Variants in GNG4 observed in about 807,000 individuals in gnomAD.
The protein encoded by GNG4 is G protein subunit gamma 4.
In GNG4, 4 loss-of-function variants were observed where a neutral mutation model predicts 5.8. That is an observed-to-expected ratio of 0.69 (90% confidence interval 0.34 to 1.57). The LOEUF is 1.57. Ranked by LOEUF, GNG4 falls within the 40% of genes most tolerant of loss-of-function variation. The probability of loss-of-function intolerance (pLI) is 0.06; values close to 1 mark genes in which losing one functional copy is unlikely to be tolerated. For missense variants in GNG4, 96 were observed against 95.1 expected, an observed-to-expected ratio of 1.01 and a Z score of -0.04; for synonymous variants, 29 against 32.9, an observed-to-expected ratio of 0.88 and a Z score of 0.41.
At chr1:235,616,720 T>G (rs1322340395) in intron 1 of GNG4, among the ~76,000 whole-genome samples, 1 of 141,842 alleles carries the variant, frequency 7.1e-6, no homozygotes, top group East Asian at 2.4e-4. Context: ...GAACCAGTGC[T>G]GAAAGATGTG....
At chr1:235,608,136 C>T (rs930859827) in intron 1 of GNG4, among the ~76,000 whole-genome samples, 5 of 152,084 alleles carry the variant, frequency 3.3e-5, no homozygotes, top group Admixed American at 2.6e-4. Flanking sequence ...CACGGTTTGA[C>T]CTTGTTGGCC....
At chr1:235,571,402 C>G (rs2102928830) in intron 3 of GNG4, among the ~76,000 whole-genome samples, 1 of 152,232 alleles carries the variant, frequency 6.6e-6, no homozygotes, top group East Asian at 1.9e-4. Context: ...AACAGAGTAC[C>G]CACTTCATTG....
chr1:235,647,490 C>T (rs1041064929), intron 1 of GNG4, among the ~76,000 whole-genome samples: 2 of 152,166 alleles, frequency 1.3e-5, no homozygotes, highest in East Asian at 3.8e-4. Context: ...TTGTTGGGTA[C>T]AGACCTTAGT....
intron 3 of GNG4, among the ~76,000 whole-genome samples, chr1:235,578,816 G>A (rs1687547944): frequency 1.3e-5 from 2 of 152,170 alleles, no homozygotes; most frequent in South Asian, 4.1e-4. Context: ...AAAGTTTCAG[G>A]GCTGGCTGCG....
chr1:235,581,095 T>A (rs1193608182), intron 3 of GNG4, among the ~76,000 whole-genome samples: 1 of 152,060 alleles, frequency 6.6e-6, no homozygotes, highest in Non-Finnish European at 1.5e-5. Flanking sequence ...ACTGATATGG[T>A]TTGGATCTGT....
intron 3 of GNG4, among the ~76,000 whole-genome samples, chr1:235,560,760 C>T (rs1328701217): frequency 6.6e-6 from 1 of 152,200 alleles, no homozygotes; most frequent in Non-Finnish European, 1.5e-5. Flanking sequence ...TTCTACTACT[C>T]ATGTTCTACT....
rs149620484 is a variant in GNG4 at position 235,562,879 on chromosome 1, C to G, written c.100-10642G>C. On this transcript the variant is annotated intron_variant, in intron 3 of 3. Coordinates refer to ENST00000391854, the MANE Select transcript of GNG4 (RefSeq NM_001098722.2). ...TAGATCTTGTGCATATTGAATATATCTGATATATTTTTGCCCATCTTTTTA... is the reference window on the plus strand; with the variant it reads ...TAGATCTTGTGCATATTGAATATATGTGATATATTTTTGCCCATCTTTTTA... 3.5e-3 allele frequency among the ~76,000 whole-genome samples: 531 copies of G among 152,106 alleles called. 6 individuals are homozygous for G. Among genetic ancestry groups the G allele is most frequent in the African/African-American group, 0.012 (512 of 41,506 alleles).
chr1:235,561,436 C>T (rs947935362), intron 3 of GNG4, among the ~76,000 whole-genome samples: 3 of 151,806 alleles, frequency 2.0e-5, no homozygotes, highest in Admixed American at 6.6e-5. Context: ...TTTTTCTAGA[C>T]GAGTCTTGCT....
chr1:235,588,596 A>G (rs1296267455), intron 2 of GNG4, among the ~76,000 whole-genome samples: 3 of 146,642 alleles, frequency 2.0e-5, no homozygotes, highest in Non-Finnish European at 3.0e-5. Flanking sequence ...TGCTGGAGAG[A>G]CCCCCCCCAC....
chr1:235,610,800 A>G (rs1688461294), intron 1 of GNG4, among the ~76,000 whole-genome samples: 1 of 152,198 alleles, frequency 6.6e-6, no homozygotes, highest in South Asian at 2.1e-4. Flanking sequence ...AAGCACTGCA[A>G]GAGGCTGGGC....
At chr1:235,616,230 T>G (rs1158262350) in intron 1 of GNG4, 1 of 514,010 alleles carries the variant, frequency 1.9e-6, no homozygotes, top group Non-Finnish European at 3.9e-6. Context: ...GGAATGTTCT[T>G]GAATATTGCT....
intron 1 of GNG4, among the ~76,000 whole-genome samples, chr1:235,620,148 G>A (rs867196187): frequency 6.6e-6 from 1 of 152,208 alleles, no homozygotes; most frequent in Non-Finnish European, 1.5e-5. Flanking sequence ...TGGATCACCT[G>A]AGGTCGGGAG....
rs75007625 is a variant in GNG4 at position 235,616,743 on chromosome 1, T to C, written c.-122-21232A>G. 4.7e-3 allele frequency among the ~76,000 whole-genome samples: 707 copies of C among 149,790 alleles called. 5 individuals are homozygous for C. The highest frequency in any genetic ancestry group is 0.014 in the African/African-American group (575 of 39,758). On this transcript the variant is annotated intron_variant, in intron 1 of 3. Transcript: ENST00000391854. ...GCTGAAAGATGTGTGTGTGTGTGTG[T>C]GCGCGCGTGTTTTGAGATGGAGATT...
intron 1 of GNG4, among the ~76,000 whole-genome samples, chr1:235,630,608 G>GTC (rs1688912263): frequency 6.6e-6 from 1 of 152,216 alleles, no homozygotes; most frequent in African/African-American, 2.4e-5. Flanking sequence ...CGCAAGTCCT[G>GTC]TCTGATGGCT....
chr1:235,592,333 C>T (rs1022775630), intron 2 of GNG4, among the ~76,000 whole-genome samples: 2 of 152,124 alleles, frequency 1.3e-5, no homozygotes, highest in Non-Finnish European at 1.5e-5. Context: ...TGGTGAAACC[C>T]CGTCTTTACT....
intron 1 of GNG4, among the ~76,000 whole-genome samples, chr1:235,641,246 C>T (rs1040570655): frequency 2.0e-5 from 3 of 151,856 alleles, no homozygotes; most frequent in East Asian, 1.9e-4. Flanking sequence ...AGAATTTAGC[C>T]GGGCATGGTG....
chr1:235,570,744 C>G (rs1027898443), intron 3 of GNG4, among the ~76,000 whole-genome samples: 3 of 151,408 alleles, frequency 2.0e-5, no homozygotes, highest in Admixed American at 1.3e-4. Context: ...CATCCAGGCT[C>G]GAGTGCAGCG....
At chr1:235,587,181 G>T (rs1467157941) in intron 2 of GNG4, among the ~76,000 whole-genome samples, 1 of 149,462 alleles carries the variant, frequency 6.7e-6, no homozygotes, top group African/African-American at 2.5e-5. Context: ...GAGTGTGTGG[G>T]GGTGAGTGTG....
rs1242517960 is a variant in GNG4, at chr1:235,549,518, C to G, written c.*2591G>C. The stretch of plus-strand genomic sequence containing the variant: ...CTCTGATGTGCCTTTATGACTTGTG[C>G]TTCGCTTCATCGGGTTAATGATGTT... On this transcript the variant is annotated 3_prime_UTR_variant, in exon 4 of 4. Coordinates refer to ENST00000391854, the MANE Select transcript of GNG4 (RefSeq NM_001098722.2). 1 of 152,298 alleles carries G rather than the reference C, an allele frequency of 6.6e-6. No individual in the cohort carries two copies. Among genetic ancestry groups the G allele is most frequent in the Non-Finnish European group, 1.5e-5 (1 of 68,036 alleles). 9.4% of individuals were successfully genotyped at this position (152,298 alleles called of 1,614,324 possible).
Sources: gnomAD v4.1 joint callset for allele counts (sites outside exome capture counted in the v4.1 genomes callset) on GRCh38, gnomAD v4.1.1 for gene constraint, MANE v1.5 for transcripts, NCBI Gene and HGNC (gene_info 2026-07-23, HGNC 2026-07-21) for gene names.